Variants in JMJD1C observed in about 807,000 individuals in gnomAD.
The protein encoded by JMJD1C is jumonji domain-containing protein 1C.
In JMJD1C, 31 loss-of-function variants were observed where a neutral mutation model predicts 245.3. The observed-to-expected ratio is 0.13, with a 90% confidence interval of 0.09 to 0.17. The LOEUF (loss-of-function observed/expected upper bound fraction) is 0.17. JMJD1C is among the 10% of genes least tolerant of loss of function. The pLI is 1.00. For missense variants in JMJD1C, 2,691 were observed against 3,000.2 expected (o/e 0.90, Z 2.41); for synonymous variants, 1,057 against 1,017.4 (o/e 1.04, Z -0.74).
At chr10:63,471,555 C>T (rs1953492847) in intron 1 of JMJD1C, among the ~76,000 whole-genome samples, 1 of 152,206 alleles carries the variant, frequency 6.6e-6, no homozygotes, top group African/African-American at 2.4e-5. Context: ...AAGACTTCAG[C>T]ATATGCTATT....
intron 2 of JMJD1C, among the ~76,000 whole-genome samples, chr10:63,286,933 C>G (rs910014042): frequency 8.6e-5 from 13 of 151,960 alleles, no homozygotes; most frequent in African/African-American, 2.7e-4. Context: ...TCTATGCATA[C>G]TAAGAGGAAC....
At chr10:63,258,776 C>G (rs992813311) in intron 3 of JMJD1C, among the ~76,000 whole-genome samples, 3 of 152,168 alleles carry the variant, frequency 2.0e-5, no homozygotes, top group African/African-American at 7.2e-5. Flanking sequence ...CAGTTCTTAT[C>G]ATAGATTATA....
At chr10:63,248,739 G>T (rs972813487) in intron 3 of JMJD1C, among the ~76,000 whole-genome samples, 2 of 151,938 alleles carry the variant, frequency 1.3e-5, no homozygotes, top group Non-Finnish European at 2.9e-5. Context: ...ACATCCAAAA[G>T]AAATAAAATC....
At chr10:63,245,205 TAAC>T (rs1238373428) in intron 3 of JMJD1C, among the ~76,000 whole-genome samples, 1 of 114,946 alleles carries the variant, frequency 8.7e-6, no homozygotes, top group Non-Finnish European at 1.9e-5. Flanking sequence ...GAGATTGAAA[TAAC>T]AATTTTTTAA....
At chr10:63,183,596 AC>A in intron 21 of JMJD1C, 27 bp from the exon 22 acceptor site, 2 of 1,372,420 alleles carry the variant, frequency 1.5e-6, no homozygotes, top group Non-Finnish European at 2.0e-6. Flanking sequence ...ATTTTACTTG[AC>A]AAAATATTTA....
chr10:63,213,669 T>G lies in JMJD1C; in HGVS notation c.2498A>C (p.Gln833Pro), dbSNP rs1355338499. ...LSHLALAHQQ[Q>P]QQLLQHQSPH... ...TGACTGGTGCTGTAACAACTGTTGT[T>G]GTTGCTGGTGTGCTAGCGCTAAGTG... Residue 833 changes from glutamine to proline, a missense_variant, in exon 8 of 26, where the codon CAA (glutamine) becomes CCA (proline). Around this residue, in one of 9 missense-constraint regions of JMJD1C, gnomAD observed 1,562 missense variants for 1,490.7 expected, o/e 1.05. Transcript: ENST00000399262. 2 of 1,614,228 alleles carry G rather than the reference T, an allele frequency of 1.2e-6. No individual in the cohort carries two copies. Among genetic ancestry groups the G allele is most frequent in the Non-Finnish European group, 8.5e-7 (1 of 1,180,024 alleles).
chr10:63,290,849 C>T lies in JMJD1C; in HGVS notation c.334-26085G>A, dbSNP rs187991888. Among the ~76,000 whole-genome samples the T allele has an allele frequency of 6.1e-4, 93 of 151,326 alleles. 2 individuals carry two copies. The highest frequency in any genetic ancestry group is 5.4e-3 in the South Asian group (26 of 4,804). On this transcript the variant is annotated intron_variant, in intron 2 of 25. Transcript: ENST00000399262. ...TTAAATTTCTTCATGAAGAAAGTAACGACAAGCTAAAAAAAATCAGTATGA... is the reference window on the plus strand; with the variant it reads ...TTAAATTTCTTCATGAAGAAAGTAATGACAAGCTAAAAAAAATCAGTATGA...
At chr10:63,236,680 T>C (rs903762283) in intron 3 of JMJD1C, among the ~76,000 whole-genome samples, 10 of 152,124 alleles carry the variant, frequency 6.6e-5, no homozygotes, top group African/African-American at 2.4e-4. Context: ...TCCAAAGTAG[T>C]AACTGAAAAT....
rs1191109718 is a variant in JMJD1C at position 63,208,642 on chromosome 10, C to A, written c.3027G>T (p.Gln1009His). ...PVLNQLQRPP[Q>H]ETGERLNKYK... ...ATTTGTTTAACCTCTCTCCAGTCTCCTGGGGTGGCCTCTGTAACTGATTTA... is the reference window on the plus strand; with the variant it reads ...ATTTGTTTAACCTCTCTCCAGTCTCATGGGGTGGCCTCTGTAACTGATTTA... Residue 1009 changes from glutamine to histidine, a missense_variant, in exon 10 of 26, where the codon CAG becomes CAT. By Grantham distance (24) the Gln-to-His change is conservative (BLOSUM62 0). Around this residue, in one of 9 missense-constraint regions of JMJD1C, gnomAD observed 1,562 missense variants for 1,490.7 expected, o/e 1.05. Transcript: ENST00000399262. 2 of 1,614,082 alleles carry A rather than the reference C, an allele frequency of 1.2e-6. No homozygotes were observed. Among genetic ancestry groups the A allele is most frequent in the Admixed American group, 3.3e-5 (2 of 60,026 alleles).
intron 3 of JMJD1C, among the ~76,000 whole-genome samples, chr10:63,248,369 A>C (rs1037381465): frequency 2.0e-5 from 3 of 147,592 alleles, no homozygotes; most frequent in Non-Finnish European, 4.6e-5. Context: ...AAAAATACAA[A>C]AATTAGCTGG....
chr10:63,388,751 G>T (rs1947821460), intron 1 of JMJD1C, among the ~76,000 whole-genome samples: 1 of 152,092 alleles, frequency 6.6e-6, no homozygotes, highest in Non-Finnish European at 1.5e-5. Context: ...TAGTTGAAAT[G>T]ATTTAAAATA....
intron 3 of JMJD1C, among the ~76,000 whole-genome samples, chr10:63,240,204 G>A (rs994187917): frequency 6.6e-6 from 1 of 152,030 alleles, no homozygotes; most frequent in Non-Finnish European, 1.5e-5. Context: ...AAAGACAGTG[G>A]AAATGTGACA....
At chr10:63,249,086 C>T (rs1006355782) in intron 3 of JMJD1C, among the ~76,000 whole-genome samples, 72 of 152,146 alleles carry the variant, frequency 4.7e-4, no homozygotes, top group Admixed American at 4.2e-3. Flanking sequence ...GAGGCCAAGG[C>T]GGGTGGATCA....
In JMJD1C at chr10:63,399,216, G is replaced by A. The variant is rs192257496; in HGVS notation, c.169-18734C>T. On this transcript the variant is annotated intron_variant, in intron 1 of 25. Coordinates refer to ENST00000399262, the MANE Select transcript of JMJD1C (RefSeq NM_032776.3). ...CTTGGTCAGTGAGACAATCTTCAAG[G>A]TAGCTCCTAAGTCTTTTAGATACAA... Among the ~76,000 whole-genome samples, 850 of 152,236 alleles carry A rather than the reference G, an allele frequency of 5.6e-3. 2 individuals are homozygous for A. Among genetic ancestry groups the A allele is most frequent in the Middle Eastern group, 0.017 (5 of 294 alleles).
intron 3 of JMJD1C, among the ~76,000 whole-genome samples, chr10:63,223,937 A>G (rs1376524530): frequency 1.3e-5 from 2 of 152,058 alleles, no homozygotes; most frequent in Non-Finnish European, 2.9e-5. Flanking sequence ...TATTTTTAGT[A>G]GAGACGGGGT....
intron 3 of JMJD1C, among the ~76,000 whole-genome samples, chr10:63,243,316 C>T (rs1248123390): frequency 1.3e-5 from 2 of 151,652 alleles, no homozygotes; most frequent in Admixed American, 1.3e-4. Flanking sequence ...CACCTGAGGT[C>T]GGGAGCTCGG....
intron 2 of JMJD1C, among the ~76,000 whole-genome samples, chr10:63,300,718 A>T (rs1295432257): frequency 6.6e-6 from 1 of 152,070 alleles, no homozygotes; most frequent in African/African-American, 2.4e-5. Flanking sequence ...ATGGTGAAAC[A>T]TTGTTTCTAC....
At chr10:63,291,754 A>C (rs1858751689) in intron 2 of JMJD1C, among the ~76,000 whole-genome samples, 1 of 152,150 alleles carries the variant, frequency 6.6e-6, no homozygotes, top group South Asian at 2.1e-4. Flanking sequence ...GACTACAAGC[A>C]TATGCCACTG....
At chr10:63,327,698 C>T (rs980791487) in intron 2 of JMJD1C, among the ~76,000 whole-genome samples, 121 of 150,532 alleles carry the variant, frequency 8.0e-4, no homozygotes, top group African/African-American at 2.8e-3. Context: ...GATGGAGTTT[C>T]GCTCTTGTTC....
Sources: gnomAD v4.1 joint callset for allele counts (sites outside exome capture counted in the v4.1 genomes callset) on GRCh38, gnomAD v4.1.1 for gene constraint, gnomAD v4.1.1 regional missense constraint, MANE v1.5 for transcripts, NCBI Gene and HGNC (gene_info 2026-07-23, HGNC 2026-07-21) for gene names.